EBF3: variants seen among roughly 807,000 people sequenced by gnomAD.
The protein encoded by EBF3 is transcription factor COE3.
A neutral mutation model predicts 77.1 loss-of-function variants in EBF3; 18 were observed. The ratio of observed to expected loss-of-function variants is 0.23; its 90% CI spans 0.16 to 0.35. EBF3 has a LOEUF of 0.35. Ranked by LOEUF, EBF3 falls within the 10% of genes least tolerant of loss-of-function variation. EBF3 has a pLI of 1.00. For synonymous variants in EBF3, 350 were observed against 343.5 expected (o/e 1.02, Z -0.21); for missense variants, 558 against 860.0 (o/e 0.65, Z 4.39).
At chr10:129,881,591 T>C (rs1336592975) in intron 6 of EBF3, among the ~76,000 whole-genome samples, 1 of 152,182 alleles carries the variant, frequency 6.6e-6, no homozygotes, top group Non-Finnish European at 1.5e-5. Flanking sequence ...ACTTTTGAAA[T>C]GAGGTTTCCT....
chr10:129,888,057 G>C (rs775171806), intron 6 of EBF3, among the ~76,000 whole-genome samples: 11 of 152,274 alleles, frequency 7.2e-5, no homozygotes, highest in Non-Finnish European at 1.5e-4. Flanking sequence ...CCTTCTCTTC[G>C]TGAGAAAAGG....
chr10:129,922,140 A>G (rs542684945), intron 6 of EBF3, among the ~76,000 whole-genome samples: 1 of 152,322 alleles, frequency 6.6e-6, no homozygotes, highest in African/African-American at 2.4e-5. Context: ...TGCTGTAGAC[A>G]TAAGTTCTGG....
At chr10:129,854,949 T>C (rs568059842) in intron 10 of EBF3, among the ~76,000 whole-genome samples, 11 of 152,168 alleles carry the variant, frequency 7.2e-5, no homozygotes, top group Non-Finnish European at 1.6e-4. Context: ...ACCCTCCTCC[T>C]ACACCCAGAG....
At chr10:129,918,635 C>T (rs1589856804) in intron 6 of EBF3, among the ~76,000 whole-genome samples, 1 of 152,204 alleles carries the variant, frequency 6.6e-6, no homozygotes, top group Non-Finnish European at 1.5e-5. Context: ...CAGGGCCCTG[C>T]CCTACCCCCC....
chr10:129,959,237 G>A (rs890204962), intron 4 of EBF3, among the ~76,000 whole-genome samples: 1 of 151,914 alleles, frequency 6.6e-6, no homozygotes, highest in African/African-American at 2.4e-5. Context: ...GCGCCCGCCA[G>A]GCCTGCGAGG....
At chr10:129,906,259 T>C (rs1855135843) in intron 6 of EBF3, among the ~76,000 whole-genome samples, 1 of 152,244 alleles carries the variant, frequency 6.6e-6, no homozygotes, top group Non-Finnish European at 1.5e-5. Flanking sequence ...GTGTTAAATT[T>C]ATTACTGCCA....
intron 10 of EBF3, among the ~76,000 whole-genome samples, chr10:129,852,352 T>C (rs1215986370): frequency 6.6e-6 from 1 of 152,218 alleles, no homozygotes; most frequent in African/African-American, 2.4e-5. Context: ...ATGTTAACGG[T>C]CTGTGATGTC....
At chr10:129,877,021 C>G (rs1283606695) in intron 7 of EBF3, among the ~76,000 whole-genome samples, 1 of 151,084 alleles carries the variant, frequency 6.6e-6, no homozygotes, top group Non-Finnish European at 1.5e-5. Context: ...AATAAGAACA[C>G]AGTAAACCTC....
Position 129,943,494 on chromosome 10 carries a change from G to A in EBF3, c.554+13764C>T, listed in dbSNP as rs1857939362. 6.6e-6 allele frequency among the ~76,000 whole-genome samples: 1 copy of A among 152,118 alleles called. No homozygotes were observed. The highest frequency in any genetic ancestry group is 2.4e-5 in the African/African-American group (1 of 41,412). ...CATCATTATATAACTGTAAACTTCT[G>A]GAGGTTAGAGATTGGATAATTTCTT... On this transcript the variant is annotated intron_variant, in intron 6 of 16. Coordinates refer to ENST00000440978, the MANE Select transcript of EBF3 (RefSeq NM_001375380.1). This position sits in a 1 kb window ranked among gnomAD's most constrained non-coding sequence, Gnocchi z 8.8.
chr10:129,850,344 G>A (rs1352122594), intron 10 of EBF3, among the ~76,000 whole-genome samples: 1 of 152,210 alleles, frequency 6.6e-6, no homozygotes, highest in Non-Finnish European at 1.5e-5. Context: ...TCTCATTCTG[G>A]GAGAGACGCT....
rs1031067749 is a variant in EBF3, at chr10:129,938,101, C to A, written c.554+19157G>T. Among the ~76,000 whole-genome samples, 2 of 152,198 alleles carry A rather than the reference C, an allele frequency of 1.3e-5. No individual in the cohort carries two copies. Among genetic ancestry groups the A allele is most frequent in the Non-Finnish European group, 2.9e-5 (2 of 68,038 alleles). ...GCAAACTGTAAAGAGACCACCATGT[C>A]CTTCAGCAGCACCTGGCAGGAGACT... On this transcript the variant is annotated intron_variant, in intron 6 of 16. Transcript: ENST00000440978. The surrounding 1 kb of genome is among the most constrained non-coding windows in gnomAD (Gnocchi z 5.1).
At chr10:129,876,069 T>C (rs1309880306) in intron 7 of EBF3, among the ~76,000 whole-genome samples, 2 of 152,258 alleles carry the variant, frequency 1.3e-5, no homozygotes, top group Non-Finnish European at 2.9e-5. Context: ...TGCAGTCATC[T>C]ACATATAGGT....
chr10:129,843,647 A>G, intron 11 of EBF3, among the ~76,000 whole-genome samples: 1 of 152,268 alleles, frequency 6.6e-6, no homozygotes, highest in East Asian at 1.9e-4. Context: ...ATCTTAATTA[A>G]ACTGGCAGAG....
At chr10:129,907,702 T>G (rs539931755) in intron 6 of EBF3, among the ~76,000 whole-genome samples, 1 of 152,308 alleles carries the variant, frequency 6.6e-6, no homozygotes, top group Admixed American at 6.5e-5. Context: ...TAATAAAAAA[T>G]TAATGAGACT....
At position 129,963,615 on chromosome 10, in the gene EBF3, C is replaced by A; in HGVS notation, c.134+20G>T. ...GGGCCGGGGCCGGGGCCAGGGCGCG[C>A]GGGGGCGGCCGGTACGTACCTCTGG... On this transcript the variant is annotated intron_variant, in intron 1 of 16. Coordinates refer to ENST00000440978, the MANE Select transcript of EBF3 (RefSeq NM_001375380.1). This position sits in a 1 kb window ranked among gnomAD's most constrained non-coding sequence, Gnocchi z 7.1. The A allele has an allele frequency of 7.5e-7, 1 of 1,331,390 alleles. No homozygotes were observed. Among genetic ancestry groups the A allele is most frequent in the Non-Finnish European group, 9.8e-7 (1 of 1,024,230 alleles). 82.5% of individuals were successfully genotyped at this position (1,331,390 alleles called of 1,614,324 possible). A position where few individuals can be genotyped will look rare whatever the true frequency, so the allele number is the denominator to read the frequency against.
chr10:129,875,528 G>A (rs896744052), intron 7 of EBF3, among the ~76,000 whole-genome samples: 4 of 152,212 alleles, frequency 2.6e-5, no homozygotes, highest in African/African-American at 9.6e-5. Context: ...GACTCCACAA[G>A]ATGATGATGC....
At chr10:129,884,635 T>C (rs1244156437) in intron 6 of EBF3, among the ~76,000 whole-genome samples, 2 of 152,238 alleles carry the variant, frequency 1.3e-5, no homozygotes, top group Non-Finnish European at 2.9e-5. Context: ...ATTTTACAGC[T>C]GTGCCCAGAT....
intron 6 of EBF3, among the ~76,000 whole-genome samples, chr10:129,949,396 A>G (rs1393902922): frequency 6.6e-6 from 1 of 152,238 alleles, no homozygotes; most frequent in African/African-American, 2.4e-5. Context: ...GCAGCATCCC[A>G]GGCTCCAGTG....
At chr10:129,907,803 G>A (rs919331156) in intron 6 of EBF3, among the ~76,000 whole-genome samples, 9 of 152,118 alleles carry the variant, frequency 5.9e-5, no homozygotes, top group Admixed American at 2.6e-4. Context: ...TCAGGTAATC[G>A]TACGTTGTCG....
Sources: allele counts gnomAD v4.1 joint callset (sites outside exome capture counted in the v4.1 genomes callset), GRCh38; gene constraint gnomAD v4.1.1; non-coding constraint Gnocchi (gnomAD v3.1); transcripts MANE v1.5; gene names NCBI Gene and HGNC (gene_info 2026-07-23, HGNC 2026-07-21).